BICD1: variants seen among roughly 807,000 people sequenced by gnomAD.
BICD1 encodes the protein protein bicaudal D homolog 1.
In BICD1, 35 loss-of-function variants were observed where a neutral mutation model predicts 92.5. The observed-to-expected ratio is 0.38, with a 90% CI of 0.29 to 0.50. The LOEUF (loss-of-function observed/expected upper bound fraction) is 0.50, where lower values mean the gene tolerates loss of function less well. BICD1 is among the 20% of genes least tolerant of loss of function. The pLI, the probability that BICD1 is intolerant of heterozygous loss-of-function variation, is 0.93. For synonymous variants in BICD1, 429 were observed against 465.1 expected (o/e 0.92, Z 1.00); for missense variants, 950 against 1,189.8 (o/e 0.80, Z 2.97).
At position 32,106,992 on chromosome 12, in the gene BICD1, A is replaced by C; in HGVS notation, c.-340A>C. ...GGACGGGCGTCTCTGAATAAGCAGA[A>C]TCCGGAGCCCCTCGCTACCCGCGGC... On this transcript the variant is annotated 5_prime_UTR_variant, in exon 1 of 10. Transcript: ENST00000652176. 3.5e-6 allele frequency: 1 copy of C among 285,720 alleles called. No homozygotes were observed. The highest frequency in any genetic ancestry group is 6.6e-6 in the Non-Finnish European group (1 of 151,098). The allele number at this position is 285,720 out of a possible 1,614,324, so 17.7% of individuals were successfully genotyped here.
intron 3 of BICD1, among the ~76,000 whole-genome samples, chr12:32,304,081 A>C (rs891804813): frequency 1.3e-5 from 2 of 152,162 alleles, no homozygotes; most frequent in Non-Finnish European, 2.9e-5. Context: ...CTCAAAAAAA[A>C]AAAAATAGAA....
chr12:32,312,365 G>T (rs1948403619), intron 4 of BICD1, among the ~76,000 whole-genome samples: 1 of 152,198 alleles, frequency 6.6e-6, no homozygotes, highest in African/African-American at 2.4e-5. Context: ...AAGCCCTGGT[G>T]ATAATGCCAT....
At chr12:32,112,800 A>T (rs1179579190) in intron 1 of BICD1, among the ~76,000 whole-genome samples, 1 of 152,208 alleles carries the variant, frequency 6.6e-6, no homozygotes, top group Non-Finnish European at 1.5e-5. Context: ...ACCAGTCTTC[A>T]AAACAATTCA....
chr12:32,200,630 T>C (rs1944878630), intron 1 of BICD1, among the ~76,000 whole-genome samples: 1 of 152,136 alleles, frequency 6.6e-6, no homozygotes, highest in Non-Finnish European at 1.5e-5. Flanking sequence ...TATGCAACCA[T>C]AGGGAATAGT....
intron 8 of BICD1, among the ~76,000 whole-genome samples, chr12:32,347,631 G>A (rs538046837): frequency 6.8e-5 from 10 of 147,928 alleles, no homozygotes; most frequent in African/African-American, 2.2e-4. Flanking sequence ...AGAACGAAAC[G>A]CCATCTCAAT....
chr12:32,117,752 A>AT (rs1435282410), intron 1 of BICD1, among the ~76,000 whole-genome samples: 2 of 104,240 alleles, frequency 1.9e-5, no homozygotes, highest in African/African-American at 5.8e-5. Context: ...ATATATATAT[A>AT]TATATATTTT....
Position 32,337,694 on chromosome 12 carries a change from C to A in BICD1, c.2448C>A (p.Ile816=). The A allele has an allele frequency of 6.2e-7, 1 of 1,614,162 alleles. No individual in the cohort carries two copies. Among genetic ancestry groups the A allele is most frequent in the Non-Finnish European group, 8.5e-7 (1 of 1,180,032 alleles). ...AAGGCAAACTTGGAAAGAGCAAGAT[C>A]GGCAGCCCTAAAGTAAGTGGGGAGG... The part of the protein sequence containing the change: ...RSKGKLGKSK[I]GSPKVSGEAS... The change falls in exon 7 of 10, where the codon ATC becomes ATA. Residue 816 remains isoleucine (I), a synonymous_variant. Coordinates refer to ENST00000652176, the MANE Select transcript of BICD1 (RefSeq NM_001714.4). The surrounding 1 kb of genome is among the most constrained non-coding windows in gnomAD (Gnocchi z 4.7).
In BICD1 at chr12:32,131,126, C is replaced by T. The variant is rs922940603; in HGVS notation, c.213+23582C>T. ...CTGGGATTACAGGTGTGAGTCACCACGCCAGGCTGCTCCGTGACATTTAAA... is the reference window on the plus strand; with the variant it reads ...CTGGGATTACAGGTGTGAGTCACCATGCCAGGCTGCTCCGTGACATTTAAA... On this transcript the variant is annotated intron_variant, in intron 1 of 9. Coordinates refer to ENST00000652176, the MANE Select transcript of BICD1 (RefSeq NM_001714.4). Among the ~76,000 whole-genome samples the T allele has an allele frequency of 1.4e-4, 21 of 152,146 alleles. 1 individual carries two copies. The East Asian group carries it at 1.7e-3, about 13-fold the overall frequency.
At chr12:32,331,135 TAAA>T (rs200127433) in intron 5 of BICD1, among the ~76,000 whole-genome samples, 3 of 147,776 alleles carry the variant, frequency 2.0e-5, no homozygotes, top group East Asian at 2.0e-4. Flanking sequence ...AAATCTGTCT[TAAA>T]AAAAAAAAAA....
intron 1 of BICD1, among the ~76,000 whole-genome samples, chr12:32,113,749 A>C (rs1592316100): frequency 5.8e-5 from 8 of 138,008 alleles, no homozygotes; most frequent in Admixed American, 7.4e-5. Flanking sequence ...TCACTCTATC[A>C]CCCAGGCTGG....
intron 1 of BICD1, among the ~76,000 whole-genome samples, chr12:32,150,493 AT>A (rs11301770): frequency 0.86 from 130,559 of 152,192 alleles, 56,212 homozygotes; most frequent in African/African-American, 0.92. Context: ...GAAGATAGGG[AT>A]TAAAAGAATT....
intron 3 of BICD1, among the ~76,000 whole-genome samples, chr12:32,294,991 A>C (rs1947826167): frequency 6.6e-6 from 1 of 150,718 alleles, no homozygotes; most frequent in Admixed American, 6.6e-5. Context: ...CTAAGGCAGG[A>C]GAATTGCTTG....
intron 1 of BICD1, among the ~76,000 whole-genome samples, chr12:32,140,086 G>A (rs1229964295): frequency 6.6e-6 from 1 of 152,110 alleles, no homozygotes; most frequent in African/African-American, 2.4e-5. Flanking sequence ...TGTTTTGAGG[G>A]GGCCTCTCCC....
At chr12:32,213,276 A>G (rs1468094344) in intron 1 of BICD1, among the ~76,000 whole-genome samples, 1 of 152,202 alleles carries the variant, frequency 6.6e-6, no homozygotes, top group Non-Finnish European at 1.5e-5. Flanking sequence ...GTGATTTTGT[A>G]CAATGTCCCC....
At chr12:32,324,867 C>A (rs2136252167) in intron 4 of BICD1, among the ~76,000 whole-genome samples, 1 of 152,320 alleles carries the variant, frequency 6.6e-6, no homozygotes, top group South Asian at 2.1e-4. Flanking sequence ...CATGAGCCAC[C>A]ACACCCGGCC....
intron 8 of BICD1, among the ~76,000 whole-genome samples, chr12:32,348,187 A>C (rs76253612): frequency 1.3e-5 from 2 of 152,134 alleles, no homozygotes; most frequent in African/African-American, 4.8e-5. Context: ...AAAAGATTTC[A>C]TATTCAAAAC....
intron 9 of BICD1, among the ~76,000 whole-genome samples, chr12:32,372,860 G>A (rs1015059646): frequency 6.6e-6 from 1 of 152,180 alleles, no homozygotes; most frequent in Non-Finnish European, 1.5e-5. Flanking sequence ...CTGGGTGGCA[G>A]AAGAGGACCC....
chr12:32,365,652 G>A (rs1464893148), intron 8 of BICD1, among the ~76,000 whole-genome samples: 3 of 152,152 alleles, frequency 2.0e-5, no homozygotes, highest in Non-Finnish European at 4.4e-5. Context: ...CCATCGGAGG[G>A]CAGCACACAC....
intron 1 of BICD1, among the ~76,000 whole-genome samples, chr12:32,144,913 C>T (rs17586170): frequency 0.098 from 14,963 of 152,200 alleles, 1,001 homozygotes; most frequent in Middle Eastern, 0.21. Flanking sequence ...CATTCATTTA[C>T]TTTGATGGAC....
Sources: gnomAD v4.1 joint callset for allele counts (sites outside exome capture counted in the v4.1 genomes callset) on GRCh38, gnomAD v4.1.1 for gene constraint, Gnocchi (gnomAD v3.1) non-coding constraint, MANE v1.5 for transcripts, NCBI Gene and HGNC (gene_info 2026-07-23, HGNC 2026-07-21) for gene names.